The following RHPN2 variants were observed in gnomAD, a reference collection of about 807,000 sequenced individuals.
The protein encoded by RHPN2 is rhophilin-2.
A neutral mutation model predicts 79.0 loss-of-function variants in RHPN2; 40 were observed. The ratio of observed to expected loss-of-function variants is 0.51; its 90% CI spans 0.39 to 0.66. The LOEUF (loss-of-function observed/expected upper bound fraction) is 0.66, where lower values mean the gene tolerates loss of function less well. Among genes scored for constraint, RHPN2 ranks in the 30% least tolerant of loss-of-function variants. RHPN2 has a pLI of 0.00. For missense variants in RHPN2, 686 were observed against 883.5 expected (o/e 0.78, Z 2.83); for synonymous variants, 285 against 363.5 (o/e 0.78, Z 2.46).
At position 33,036,872 on chromosome 19, in the gene RHPN2, C is replaced by CA. The variant is rs1055358730; in HGVS notation, c.185+7376_185+7377insT. On this transcript the variant is annotated intron_variant, in intron 2 of 14. Coordinates refer to ENST00000254260, the MANE Select transcript of RHPN2 (RefSeq NM_033103.5). ...CACCTGTAGCCCGCCATGCCTGAGC[C>CA]CCCCCGCCACCCTCTGTGGGCTCCT... 2.1e-3 allele frequency among the ~76,000 whole-genome samples: 305 copies of CA among 143,568 alleles called. 2 individuals are homozygous for CA. The highest frequency in any genetic ancestry group is 7.6e-3 in the African/African-American group (280 of 36,764). 94.2% of individuals were successfully genotyped at this position (143,568 alleles called of 152,430 possible).
At chr19:32,986,707 T>C (rs1971615309) in intron 14 of RHPN2, among the ~76,000 whole-genome samples, 1 of 149,008 alleles carries the variant, frequency 6.7e-6, no homozygotes, top group Admixed American at 6.8e-5. Flanking sequence ...GGCAGGAGAA[T>C]CACTTGAATC....
intron 3 of RHPN2, 61 bp downstream of exon 3, chr19:33,026,443 C>T: frequency 1.3e-6 from 2 of 1,592,352 alleles, no homozygotes; most frequent in South Asian, 1.1e-5. Flanking sequence ...TGTGCAGCAC[C>T]CTGGATGTAC....
intron 2 of RHPN2, among the ~76,000 whole-genome samples, chr19:33,029,280 A>C (rs1156922940): frequency 2.0e-5 from 3 of 152,024 alleles, no homozygotes; most frequent in Non-Finnish European, 4.4e-5. Context: ...TAATCCCAGC[A>C]CTTTGGGAGG....
chr19:33,036,186 AT>A (rs530097897), intron 2 of RHPN2, among the ~76,000 whole-genome samples: 3,637 of 139,576 alleles, frequency 0.026, 116 homozygotes, highest in African/African-American at 0.082. Flanking sequence ...AAGAAAATTA[AT>A]TTTTTTTTTT....
Position 33,044,340 on chromosome 19 carries a change from C to A in RHPN2, c.94G>T (p.Gly32Cys). The A allele has an allele frequency of 1.2e-6, 2 of 1,613,970 alleles. No homozygotes were observed. The highest frequency in any genetic ancestry group is 4.5e-5 in the East Asian group (2 of 44,868). ...RKGCNPLAQT[G>C]RSKLQNQRAA... ...CTTTGATTCTGCAATTTACTCCGGCCGGTTTGTGCAAGGGGATTACAGCCC... is the reference window on the plus strand; with the variant it reads ...CTTTGATTCTGCAATTTACTCCGGCAGGTTTGTGCAAGGGGATTACAGCCC... Residue 32 changes from glycine (G) to cysteine (C), a missense_variant, in exon 2 of 15, where the codon GGC becomes TGC. Gly to Cys is a radical substitution (Grantham distance 159, BLOSUM62 -3). Coordinates refer to ENST00000254260, the MANE Select transcript of RHPN2 (RefSeq NM_033103.5).
chr19:33,064,764 G>GCCCGCCCGAAGCCGCCCA lies in RHPN2; in HGVS notation c.69+2_69+19dup. The GCCCGCCCGAAGCCGCCCA allele has an allele frequency of 3.5e-6, 2 of 568,468 alleles. No homozygotes were observed. The highest frequency in any genetic ancestry group is 4.1e-5 in the Admixed American group (1 of 24,570). The allele number at this position is 568,468 out of a possible 1,614,324, so 35.2% of individuals were successfully genotyped here. A position where few individuals can be genotyped will look rare whatever the true frequency, so the allele number is the denominator to read the frequency against. On this transcript the variant is annotated intron_variant, in intron 1 of 14. Transcript: ENST00000254260. ...GTCTGGAGCCCGCAGGTCCCCGCCC[G>GCCCGCCCGAAGCCGCCCA]CCCGCCCGAAGCCGCCCACCTTCCG... is the stretch of plus-strand genomic sequence containing the variant.
rs115502226 is a variant in RHPN2 at position 33,014,183 on chromosome 19, T to G, written c.391-1459A>C. Among the ~76,000 whole-genome samples, 1,352 of 150,842 alleles carry G rather than the reference T, an allele frequency of 9.0e-3. 19 individuals are homozygous for G. The highest frequency in any genetic ancestry group is 0.031 in the African/African-American group (1,275 of 41,234). On this transcript the variant is annotated intron_variant, in intron 4 of 14. Transcript: ENST00000254260. Reference sequence around the variant, plus strand: ...TTCCCAAGTGACTGTGAGTAACCTCTTTACACAACTTTTACATTAAAGCTC... The same window carrying G: ...TTCCCAAGTGACTGTGAGTAACCTCGTTACACAACTTTTACATTAAAGCTC...
At chr19:33,018,300 G>A (rs867150311) in intron 4 of RHPN2, among the ~76,000 whole-genome samples, 3 of 152,080 alleles carry the variant, frequency 2.0e-5, no homozygotes, top group Non-Finnish European at 4.4e-5. Flanking sequence ...TTGCACTCCA[G>A]CCTGGGCAAC....
intron 4 of RHPN2, among the ~76,000 whole-genome samples, chr19:33,021,356 A>AT (rs1971922214): frequency 1.3e-5 from 2 of 151,788 alleles, no homozygotes; most frequent in East Asian, 1.9e-4. Context: ...CTCTATCTCC[A>AT]TTTTTTTTCT....
intron 2 of RHPN2, among the ~76,000 whole-genome samples, chr19:33,030,684 G>C (rs1331749732): frequency 6.6e-6 from 1 of 152,174 alleles, no homozygotes; most frequent in East Asian, 1.9e-4. Flanking sequence ...AAGTCTCACA[G>C]AAGTCATAGG....
In RHPN2 at chr19:33,007,996, G is replaced by A. The variant is rs780380964; in HGVS notation, c.760+18C>T. On this transcript the variant is annotated intron_variant, in intron 7 of 14. Transcript: ENST00000254260. ...GTGGGGCCAAGGCTCCGTCTGGTCA[G>A]CCCTGGAGGAGACATACCTGCGGCT... 5.0e-5 allele frequency: 81 copies of A among 1,611,680 alleles called. 1 individual carries two copies. In the East Asian group the frequency reaches 1.7e-3, roughly 35 times the overall value.
intron 6 of RHPN2, among the ~76,000 whole-genome samples, chr19:33,009,091 G>T (rs1026307106): frequency 4.1e-4 from 61 of 149,896 alleles, no homozygotes; most frequent in African/African-American, 1.4e-3. Context: ...AAGATCAGGG[G>T]TTGCCAGGAC....
Position 33,019,867 on chromosome 19 carries a change from G to A in RHPN2, c.390+1704C>T, listed in dbSNP as rs548516986. Among the ~76,000 whole-genome samples, 6 of 152,260 alleles carry A rather than the reference G, an allele frequency of 3.9e-5. No individual in the cohort carries two copies. The East Asian group carries it at 9.6e-4, about 24-fold the overall frequency. ...CCTATAACCAATGCCTGGGCTGCATGGCGCAAACTTGGGCCACCCTGCACC... is the reference window on the plus strand; with the variant it reads ...CCTATAACCAATGCCTGGGCTGCATAGCGCAAACTTGGGCCACCCTGCACC... On this transcript the variant is annotated intron_variant, in intron 4 of 14. Coordinates refer to ENST00000254260, the MANE Select transcript of RHPN2 (RefSeq NM_033103.5).
intron 2 of RHPN2, among the ~76,000 whole-genome samples, chr19:33,037,975 C>T (rs971250497): frequency 1.3e-5 from 2 of 151,996 alleles, no homozygotes; most frequent in African/African-American, 4.8e-5. Flanking sequence ...GGCCTAGGCA[C>T]GAGGATTGCT....
chr19:33,051,140 C>T lies in RHPN2; in HGVS notation c.70-6776G>A, dbSNP rs148734679. Reference sequence around the variant, plus strand: ...CTGAGTAGCTGGGATTACAGGTGCACACCACCATGCCCGGCTAATTTTTGT... The same window carrying T: ...CTGAGTAGCTGGGATTACAGGTGCATACCACCATGCCCGGCTAATTTTTGT... On this transcript the variant is annotated intron_variant, in intron 1 of 14. Transcript: ENST00000254260. 9.8e-3 allele frequency among the ~76,000 whole-genome samples: 1,493 copies of T among 152,260 alleles called. 24 individuals carry two copies. The highest frequency in any genetic ancestry group is 0.034 in the African/African-American group (1,431 of 41,552).
intron 12 of RHPN2, among the ~76,000 whole-genome samples, chr19:32,993,527 ATGTT>A (rs1271324363): frequency 1.3e-5 from 2 of 152,136 alleles, no homozygotes; most frequent in Non-Finnish European, 2.9e-5. Flanking sequence ...TATGGTCTGA[ATGTT>A]TGTACCCTCC....
intron 2 of RHPN2, among the ~76,000 whole-genome samples, chr19:33,042,984 C>G (rs1972112525): frequency 1.3e-5 from 2 of 151,698 alleles, no homozygotes; most frequent in Non-Finnish European, 2.9e-5. Context: ...GAGGCTGAGG[C>G]AGGAGAATCA....
intron 1 of RHPN2, among the ~76,000 whole-genome samples, chr19:33,051,192 A>G (rs1440928415): frequency 6.6e-6 from 1 of 152,180 alleles, no homozygotes; most frequent in South Asian, 2.1e-4. Flanking sequence ...GGGTTTTGCC[A>G]TGTTGGCCAG....
chr19:32,994,199 C>T, intron 11 of RHPN2, 146 bp from the exon 12 acceptor site: 1 of 653,062 alleles, frequency 1.5e-6, no homozygotes, highest in East Asian at 3.1e-5. Flanking sequence ...AGTTCAAGAC[C>T]AGTCTAGCCA....
Sources: allele counts gnomAD v4.1 joint callset (sites outside exome capture counted in the v4.1 genomes callset), GRCh38; gene constraint gnomAD v4.1.1; transcripts MANE v1.5; gene names NCBI Gene and HGNC (gene_info 2026-07-23, HGNC 2026-07-21).